The following SLC24A2 variants were observed in gnomAD, a reference collection of about 807,000 sequenced individuals.
The protein encoded by SLC24A2 is sodium/potassium/calcium exchanger 2.
SLC24A2 carries 36 observed loss-of-function variants against 62.0 expected under a neutral mutation model. The observed-to-expected ratio is 0.58, with a 90% CI of 0.44 to 0.77. The LOEUF (loss-of-function observed/expected upper bound fraction) is 0.77, where lower values mean the gene tolerates loss of function less well. Ranked by LOEUF, SLC24A2 falls within the 30% of genes least tolerant of loss-of-function variation. The probability of loss-of-function intolerance (pLI) is 0.00; values close to 1 mark genes in which losing one functional copy is unlikely to be tolerated. For synonymous variants in SLC24A2, 358 were observed against 294.0 expected (o/e 1.22, Z -2.23); for missense variants, 846 against 817.9 (o/e 1.03, Z -0.42).
the SLC24A2 span, among the ~76,000 whole-genome samples, chr9:20,249,368 G>C: frequency 6.6e-6 from 1 of 152,010 alleles, no homozygotes; most frequent in African/African-American, 2.4e-5. Flanking sequence ...GTCATCTGGG[G>C]ACAATAATAC....
At chr9:19,825,377 C>T in the SLC24A2 span, among the ~76,000 whole-genome samples, 1 of 152,072 alleles carries the variant, frequency 6.6e-6, no homozygotes, top group African/African-American at 2.4e-5. Flanking sequence ...ACTGACAAGA[C>T]TAAGGTGGGG....
the SLC24A2 span, among the ~76,000 whole-genome samples, chr9:20,306,382 T>C: frequency 1.3e-5 from 2 of 152,246 alleles, no homozygotes; most frequent in African/African-American, 4.8e-5. Flanking sequence ...TTGATTTGTC[T>C]CTACCACAGG....
At chr9:20,119,638 A>G in the SLC24A2 span, among the ~76,000 whole-genome samples, 2 of 152,188 alleles carry the variant, frequency 1.3e-5, no homozygotes, top group African/African-American at 4.8e-5. Context: ...TAAAAAGCCT[A>G]CAGCTAATAT....
chr9:19,689,241 T>A (rs1333563394), intron 2 of SLC24A2, among the ~76,000 whole-genome samples: 1 of 152,024 alleles, frequency 6.6e-6, no homozygotes, highest in Non-Finnish European at 1.5e-5. Flanking sequence ...CACGGAGAAG[T>A]GTAGTGGTTA....
the SLC24A2 span, among the ~76,000 whole-genome samples, chr9:19,980,920 G>A: frequency 6.6e-6 from 1 of 152,156 alleles, no homozygotes; most frequent in East Asian, 1.9e-4. Context: ...CGGATAACTT[G>A]TATTCCCATC....
At chr9:19,524,196 C>G (rs1833328303) in intron 9 of SLC24A2, among the ~76,000 whole-genome samples, 1 of 147,022 alleles carries the variant, frequency 6.8e-6, no homozygotes, top group South Asian at 2.2e-4. Context: ...AAACTCCATG[C>G]TGCTCCCAAT....
chr9:20,076,301 G>C, the SLC24A2 span, among the ~76,000 whole-genome samples: 1 of 152,274 alleles, frequency 6.6e-6, no homozygotes, highest in East Asian at 1.9e-4. Context: ...GAGCTACCTA[G>C]TTTATAAAAG....
the SLC24A2 span, among the ~76,000 whole-genome samples, chr9:20,048,355 G>A: frequency 2.0e-5 from 3 of 152,246 alleles, no homozygotes; most frequent in East Asian, 5.8e-4. Context: ...ATTGGCATTT[G>A]ACCTTTAGCC....
chr9:20,278,141 G>T, the SLC24A2 span, among the ~76,000 whole-genome samples: 5 of 152,040 alleles, frequency 3.3e-5, no homozygotes, highest in African/African-American at 1.2e-4. Flanking sequence ...TGTAAATGAC[G>T]AGTTAATGGG....
the SLC24A2 span, among the ~76,000 whole-genome samples, chr9:20,024,152 G>C: frequency 6.6e-6 from 1 of 152,128 alleles, no homozygotes. Context: ...TATCATCCTG[G>C]GGTGCTTGCT....
At chr9:19,542,627 G>A (rs768049064) in intron 8 of SLC24A2, among the ~76,000 whole-genome samples, 1 of 152,208 alleles carries the variant, frequency 6.6e-6, no homozygotes. Context: ...CTACTTTATT[G>A]AGAATTTTTT....
At chr9:19,598,304 T>C (rs535450141) in intron 4 of SLC24A2, among the ~76,000 whole-genome samples, 3 of 152,320 alleles carry the variant, frequency 2.0e-5, no homozygotes, top group Admixed American at 2.0e-4. Flanking sequence ...CCATGGCCCA[T>C]TAACTGGGCC....
At chr9:19,529,632 C>A (rs746508080) in intron 8 of SLC24A2, among the ~76,000 whole-genome samples, 19 of 151,646 alleles carry the variant, frequency 1.3e-4, no homozygotes, top group Non-Finnish European at 2.4e-4. Flanking sequence ...CCCTTTCTTT[C>A]TTAGAAGAAA....
At chr9:19,829,808 T>TAC in the SLC24A2 span, among the ~76,000 whole-genome samples, 132 of 26,722 alleles carry the variant, frequency 4.9e-3, no homozygotes, top group East Asian at 0.02. Flanking sequence ...TATATATATA[T>TAC]ATACACACAC....
intron 4 of SLC24A2, among the ~76,000 whole-genome samples, chr9:19,609,084 T>G (rs552246093): frequency 5.3e-5 from 8 of 152,366 alleles, no homozygotes; most frequent in African/African-American, 1.9e-4. Flanking sequence ...CTGGATTTCC[T>G]GAGGGTCTGG....
chr9:19,964,558 C>A, the SLC24A2 span, among the ~76,000 whole-genome samples: 1 of 152,168 alleles, frequency 6.6e-6, no homozygotes, highest in African/African-American at 2.4e-5. Context: ...GAGGAGATGG[C>A]ACTGGACCTA....
At chr9:19,773,363 A>G (rs763247663) in intron 2 of SLC24A2, among the ~76,000 whole-genome samples, 4 of 152,228 alleles carry the variant, frequency 2.6e-5, no homozygotes, top group Non-Finnish European at 4.4e-5. Context: ...GAAACATTAT[A>G]TAAGGCTAGA....
the SLC24A2 span, among the ~76,000 whole-genome samples, chr9:20,260,849 CTTTTTTTTTT>C: frequency 4.4e-5 from 4 of 90,280 alleles, no homozygotes; most frequent in Non-Finnish European, 7.9e-5. Context: ...ATCATTCTTT[CTTTTTTTTTT>C]TTTTTTTTTT....
the SLC24A2 span, among the ~76,000 whole-genome samples, chr9:20,245,591 G>T: frequency 6.6e-6 from 1 of 152,182 alleles, no homozygotes; most frequent in Admixed American, 6.5e-5. Flanking sequence ...ATGGTGAGGA[G>T]AATAAGCAGA....
Sources: allele counts gnomAD v4.1 joint callset (sites outside exome capture counted in the v4.1 genomes callset), GRCh38; gene constraint gnomAD v4.1.1; transcripts MANE v1.5; gene names NCBI Gene and HGNC (gene_info 2026-07-23, HGNC 2026-07-21).